ZFHX3: variants seen among roughly 807,000 people sequenced by gnomAD.
ZFHX3 encodes the protein zinc finger homeobox protein 3.
ZFHX3 carries 42 observed loss-of-function variants against 279.1 expected under a neutral mutation model. That is an observed-to-expected ratio of 0.15 (90% CI 0.12 to 0.19). The LOEUF is 0.19. ZFHX3 is among the 10% of genes least tolerant of loss of function. The pLI, the probability that ZFHX3 is intolerant of heterozygous loss-of-function variation, is 1.00. For synonymous variants in ZFHX3, 2,293 were observed against 1,957.8 expected (o/e 1.17, Z -4.52); for missense variants, 4,981 against 4,754.0 (o/e 1.05, Z -1.40).
intron 1 of ZFHX3, among the ~76,000 whole-genome samples, chr16:73,054,735 C>T (rs910347026): frequency 3.9e-5 from 6 of 152,176 alleles, no homozygotes; most frequent in South Asian, 2.1e-4. Flanking sequence ...AGCTGCCGCA[C>T]TCAGTTTACA....
intron 1 of ZFHX3, among the ~76,000 whole-genome samples, chr16:73,710,752 T>C (rs1002460081): frequency 3.3e-5 from 5 of 152,100 alleles, no homozygotes; most frequent in African/African-American, 4.8e-5. Context: ...ACAAGAATAA[T>C]TGACAGCTTC....
At chr16:73,798,622 A>G (rs1429397842) in intron 1 of ZFHX3, among the ~76,000 whole-genome samples, 1 of 152,152 alleles carries the variant, frequency 6.6e-6, no homozygotes, top group East Asian at 1.9e-4. Context: ...TTGTGGGAAT[A>G]GCTTGTCTGA....
chr16:73,003,276 A>G (rs1484717096), intron 1 of ZFHX3, among the ~76,000 whole-genome samples: 1 of 151,140 alleles, frequency 6.6e-6, no homozygotes, highest in Non-Finnish European at 1.5e-5. Flanking sequence ...TGGAGTTGTC[A>G]CCAGTCCTGA....
intron 3 of ZFHX3, among the ~76,000 whole-genome samples, chr16:73,443,218 T>C (rs1446117809): frequency 1.3e-5 from 2 of 152,116 alleles, no homozygotes; most frequent in African/African-American, 4.8e-5. Context: ...AGAAATAAAT[T>C]TGCAAGCATG....
At chr16:73,677,772 C>G (rs527575779) in intron 2 of ZFHX3, among the ~76,000 whole-genome samples, 1 of 152,026 alleles carries the variant, frequency 6.6e-6, no homozygotes, top group South Asian at 2.1e-4. Context: ...AGGCTTCAAA[C>G]AACTTCTCCT....
At chr16:73,471,558 G>A (rs1036848626) in intron 2 of ZFHX3, among the ~76,000 whole-genome samples, 1 of 152,046 alleles carries the variant, frequency 6.6e-6, no homozygotes, top group Admixed American at 6.5e-5. Context: ...ACAGGCGTGA[G>A]CCACTGCACC....
chr16:72,992,565 C>T (rs1963131234), intron 1 of ZFHX3, among the ~76,000 whole-genome samples: 1 of 152,172 alleles, frequency 6.6e-6, no homozygotes, highest in Admixed American at 6.5e-5. Context: ...GATCCCAACC[C>T]ACACAAAGGC....
intron 4 of ZFHX3, among the ~76,000 whole-genome samples, chr16:72,871,074 A>C (rs1011162463): frequency 6.6e-6 from 1 of 152,224 alleles, no homozygotes; most frequent in African/African-American, 2.4e-5. Flanking sequence ...AAAAAAGGAA[A>C]TGTGGTAAAA....
chr16:73,437,749 C>A (rs1204107511), intron 3 of ZFHX3, among the ~76,000 whole-genome samples: 1 of 152,128 alleles, frequency 6.6e-6, no homozygotes. Context: ...TATGTGGAGG[C>A]TAAAACTGTT....
chr16:72,812,063 A>G (rs780406116), intron 5 of ZFHX3, 25 bp from the exon 6 acceptor site: 8 of 1,612,322 alleles, frequency 5.0e-6, no homozygotes, highest in African/African-American at 1.3e-5. Flanking sequence ...AGAAGATGCA[A>G]TACAGCAGCC....
chr16:72,951,038 G>C, intron 2 of ZFHX3, 73 bp from the exon 3 acceptor site: 7 of 1,549,554 alleles, frequency 4.5e-6, no homozygotes, highest in Non-Finnish European at 6.1e-6. Context: ...GCACCCCCCA[G>C]CCCTCCGCCA....
At chr16:73,853,879 T>C (rs1040726723) in intron 1 of ZFHX3, among the ~76,000 whole-genome samples, 1 of 152,034 alleles carries the variant, frequency 6.6e-6, no homozygotes, top group African/African-American at 2.4e-5. Context: ...GTGAAGATCT[T>C]CACAAGTGAT....
At chr16:73,587,490 T>C (rs940608190) in intron 2 of ZFHX3, among the ~76,000 whole-genome samples, 18 of 152,174 alleles carry the variant, frequency 1.2e-4, no homozygotes, top group African/African-American at 4.3e-4. Context: ...CAACAGAAAT[T>C]GAACTAAAAG....
At chr16:73,511,517 G>A (rs2019428330) in intron 2 of ZFHX3, among the ~76,000 whole-genome samples, 1 of 152,202 alleles carries the variant, frequency 6.6e-6, no homozygotes, top group Non-Finnish European at 1.5e-5. Flanking sequence ...AATGTGCACA[G>A]CCTTAGGAAA....
chr16:73,070,136 T>G (rs565787493), intron 8 of ZFHX3, among the ~76,000 whole-genome samples: 18 of 152,190 alleles, frequency 1.2e-4, no homozygotes, highest in Non-Finnish European at 2.4e-4. Context: ...TTTTTCAACT[T>G]CTTTTCTGTT....
intron 3 of ZFHX3, among the ~76,000 whole-genome samples, chr16:72,899,549 C>T (rs1016743321): frequency 3.3e-5 from 5 of 152,254 alleles, no homozygotes; most frequent in African/African-American, 1.2e-4. Context: ...ACTAATACAC[C>T]GCCATATACA....
chr16:73,619,760 C>A (rs939716202), intron 2 of ZFHX3, among the ~76,000 whole-genome samples: 4 of 152,046 alleles, frequency 2.6e-5, no homozygotes, highest in African/African-American at 9.7e-5. Flanking sequence ...GCCTACCAAA[C>A]CCCACTCCCA....
chr16:73,721,094 C>G (rs114835464), intron 1 of ZFHX3, among the ~76,000 whole-genome samples: 7,215 of 152,072 alleles, frequency 0.047, 555 homozygotes, highest in African/African-American at 0.16. Flanking sequence ...TAAGAAGAAC[C>G]AAGTTCTTCT....
At chr16:72,965,551 G>A (rs1961796499) in intron 1 of ZFHX3, among the ~76,000 whole-genome samples, 1 of 152,176 alleles carries the variant, frequency 6.6e-6, no homozygotes, top group East Asian at 1.9e-4. Flanking sequence ...AGCATTTACT[G>A]AGCATGTACT....
Sources: gnomAD v4.1 joint callset for allele counts (sites outside exome capture counted in the v4.1 genomes callset) on GRCh38, gnomAD v4.1.1 for gene constraint, MANE v1.5 for transcripts, NCBI Gene and HGNC (gene_info 2026-07-23, HGNC 2026-07-21) for gene names.